Variants in EDA observed in about 807,000 individuals in gnomAD.
The protein encoded by EDA is ectodysplasin A, also known as ectodysplasin-A.
A neutral mutation model predicts 23.6 loss-of-function variants in EDA; 2 were observed. That is an observed-to-expected ratio of 0.08 (90% CI 0.03 to 0.27). The LOEUF (loss-of-function observed/expected upper bound fraction) is 0.27. Ranked by LOEUF, EDA falls within the 10% of genes least tolerant of loss-of-function variation. The probability of loss-of-function intolerance (pLI) is 1.00; values close to 1 mark genes in which losing one functional copy is unlikely to be tolerated. For synonymous variants in EDA, 131 were observed against 132.0 expected (o/e 0.99, Z 0.05); for missense variants, 229 against 324.2 (o/e 0.71, Z 2.26).
chrX:69,864,158 TG>T (rs1393619472), intron 1 of EDA, among the ~76,000 whole-genome samples: 5 of 111,490 alleles, frequency 4.5e-5, no homozygotes, highest in Non-Finnish European at 9.4e-5. Context: ...ATTTTAAAAT[TG>T]TACTATTCTG....
chrX:69,625,047 C>A (rs1932332039), intron 1 of EDA, among the ~76,000 whole-genome samples: 1 of 111,210 alleles, frequency 9.0e-6, no homozygotes, highest in Admixed American at 9.6e-5. Context: ...ATCAGCTTAT[C>A]ATTTCTTCAA....
chrX:69,943,985 C>G (rs1342271416), intron 1 of EDA, among the ~76,000 whole-genome samples: 4 of 109,666 alleles, frequency 3.6e-5, no homozygotes, highest in Admixed American at 9.7e-5. Flanking sequence ...TACTGCCTGG[C>G]TATTGCCAGT....
intron 1 of EDA, among the ~76,000 whole-genome samples, chrX:69,813,116 C>A (rs936248398): frequency 1.1e-4 from 12 of 111,189 alleles, no homozygotes; most frequent in African/African-American, 3.6e-4. Context: ...CTTAATTATT[C>A]CCCTCTCCTG....
chrX:69,753,940 C>T (rs1487323882), intron 1 of EDA, among the ~76,000 whole-genome samples: 3 of 109,067 alleles, frequency 2.8e-5, no homozygotes, highest in Middle Eastern at 4.7e-3. Flanking sequence ...CTTCCTCCAT[C>T]CCTTTATTTT....
chrX:69,827,489 C>G (rs1220979960), intron 1 of EDA, among the ~76,000 whole-genome samples: 2 of 112,234 alleles, frequency 1.8e-5, no homozygotes, highest in Non-Finnish European at 3.8e-5. Flanking sequence ...CAGTTGATCA[C>G]ATCAGCTCCT....
At chrX:69,960,058 C>T (rs969611235) in intron 2 of EDA, among the ~76,000 whole-genome samples, 2 of 111,437 alleles carry the variant, frequency 1.8e-5, no homozygotes, top group Admixed American at 9.6e-5. Context: ...AATGGAGGAC[C>T]ACTGGAGGAT....
intron 1 of EDA, among the ~76,000 whole-genome samples, chrX:69,854,600 G>A (rs769179778): frequency 1.8e-5 from 2 of 111,640 alleles, no homozygotes; most frequent in Non-Finnish European, 3.8e-5. Flanking sequence ...TAGGATAAAG[G>A]CTTCCAGCTC....
chrX:69,826,402 A>G (rs2016436809), intron 1 of EDA, among the ~76,000 whole-genome samples: 1 of 109,287 alleles, frequency 9.2e-6, no homozygotes, highest in African/African-American at 3.3e-5. Flanking sequence ...GTGCATATAT[A>G]TTTAGGATAG....
intron 1 of EDA, among the ~76,000 whole-genome samples, chrX:69,739,453 TTTGA>T (rs1282219421): frequency 9.0e-6 from 1 of 110,949 alleles, no homozygotes; most frequent in Admixed American, 9.7e-5. Flanking sequence ...ATCTCTGACT[TTTGA>T]TTGGATTGTT....
At chrX:69,843,650 A>T (rs1314530368) in intron 1 of EDA, among the ~76,000 whole-genome samples, 1 of 111,018 alleles carries the variant, frequency 9.0e-6, no homozygotes, top group African/African-American at 3.3e-5. Flanking sequence ...AGATGGTAAG[A>T]CTTGCCCTAC....
intron 1 of EDA, among the ~76,000 whole-genome samples, chrX:69,834,823 A>G (rs2016726730): frequency 1.8e-5 from 2 of 111,382 alleles, no homozygotes; most frequent in South Asian, 7.6e-4. Context: ...GGTCTTTACA[A>G]TTTGGCATGT....
rs778641315 is a variant in EDA, at chrX:69,760,733, G to A, written c.396+144029G>A. On this transcript the variant is annotated intron_variant, in intron 1 of 7. Coordinates refer to ENST00000374552, the MANE Select transcript of EDA (RefSeq NM_001399.5). Reference sequence around the variant, plus strand: ...GTAAGGTTAGTACACCGAGTATACAGCACTGGAGACTTATGATTGTGCCCT... The same window carrying A: ...GTAAGGTTAGTACACCGAGTATACAACACTGGAGACTTATGATTGTGCCCT... Among the ~76,000 whole-genome samples the A allele has an allele frequency of 8.9e-5, 10 of 111,973 alleles. No individual in the cohort carries two copies. The South Asian group carries it at 3.3e-3, about 37-fold the overall frequency.
intron 1 of EDA, among the ~76,000 whole-genome samples, chrX:69,697,515 G>A (rs1158391192): frequency 8.9e-6 from 1 of 111,902 alleles, no homozygotes. Context: ...GGGCACCTTG[G>A]AAACAAAGAA....
intron 2 of EDA, among the ~76,000 whole-genome samples, chrX:70,018,687 C>G (rs571538593): frequency 3.6e-5 from 4 of 111,836 alleles, no homozygotes; most frequent in African/African-American, 1.3e-4. Flanking sequence ...AAAATTAACT[C>G]AAGGTGGATT....
intron 2 of EDA, among the ~76,000 whole-genome samples, chrX:69,997,656 C>A (rs1486647139): frequency 8.9e-6 from 1 of 112,544 alleles, no homozygotes; most frequent in African/African-American, 3.2e-5. Flanking sequence ...CACTGCAGCC[C>A]CTCCCATCAC....
At chrX:69,663,606 A>G (rs1390603833) in intron 1 of EDA, among the ~76,000 whole-genome samples, 1 of 112,648 alleles carries the variant, frequency 8.9e-6, no homozygotes, top group Admixed American at 9.4e-5. Flanking sequence ...GCAAGCCCTC[A>G]GCCAGAATCC....
intron 1 of EDA, among the ~76,000 whole-genome samples, chrX:69,911,297 C>G (rs2018263576): frequency 8.9e-6 from 1 of 111,790 alleles, no homozygotes; most frequent in African/African-American, 3.3e-5. Context: ...TCACCTCTGG[C>G]TTTCTGCTTT....
chrX:69,735,488 T>C (rs753830048), intron 1 of EDA, among the ~76,000 whole-genome samples: 2 of 112,000 alleles, frequency 1.8e-5, no homozygotes, highest in South Asian at 7.4e-4. Flanking sequence ...CTAGTCTTTG[T>C]TCCTCTCTTT....
intron 1 of EDA, among the ~76,000 whole-genome samples, chrX:69,679,988 T>G (rs1462406360): frequency 9.2e-6 from 1 of 108,161 alleles, no homozygotes; most frequent in Non-Finnish European, 1.9e-5. Flanking sequence ...ACACACTGCT[T>G]TGAATGCGTC....
Sources: allele counts gnomAD v4.1 joint callset (sites outside exome capture counted in the v4.1 genomes callset), GRCh38; gene constraint gnomAD v4.1.1; transcripts MANE v1.5; gene names NCBI Gene and HGNC (gene_info 2026-07-23, HGNC 2026-07-21).